Variants in INPP4B observed in about 807,000 individuals in gnomAD.
INPP4B encodes the protein inositol polyphosphate-4-phosphatase type II B.
In INPP4B, 55 loss-of-function variants were observed where a neutral mutation model predicts 122.5. That is an observed-to-expected ratio of 0.45 (90% CI 0.36 to 0.56). The LOEUF is 0.56. Among genes scored for constraint, INPP4B ranks in the 20% least tolerant of loss-of-function variants. The pLI is 0.00. For synonymous variants in INPP4B, 403 were observed against 388.7 expected (o/e 1.04, Z -0.43); for missense variants, 1,000 against 1,097.7 (o/e 0.91, Z 1.26).
intron 1 of INPP4B, among the ~76,000 whole-genome samples, chr4:142,839,160 T>C (rs969123714): frequency 1.3e-5 from 2 of 152,188 alleles, no homozygotes; most frequent in African/African-American, 4.8e-5. Context: ...CTGCCGCTTA[T>C]AAAAGTAAAA....
At chr4:142,450,469 C>T (rs1415459659) in intron 3 of INPP4B, among the ~76,000 whole-genome samples, 1 of 152,144 alleles carries the variant, frequency 6.6e-6, no homozygotes, top group Non-Finnish European at 1.5e-5. Context: ...CTATAAAATA[C>T]CATTGACTAG....
intron 2 of INPP4B, among the ~76,000 whole-genome samples, chr4:142,477,095 C>T (rs1819885981): frequency 6.6e-6 from 1 of 152,166 alleles, no homozygotes; most frequent in Non-Finnish European, 1.5e-5. Context: ...ATACCAAACA[C>T]ACTCTTGTAC....
chr4:142,478,014 G>C (rs935240918), intron 2 of INPP4B, among the ~76,000 whole-genome samples: 2 of 152,254 alleles, frequency 1.3e-5, no homozygotes, highest in East Asian at 3.9e-4. Flanking sequence ...TGTCGCCCCG[G>C]CTGGTCTTGA....
chr4:142,439,854 T>G, intron 3 of INPP4B, among the ~76,000 whole-genome samples: 1 of 152,286 alleles, frequency 6.6e-6, no homozygotes, highest in Non-Finnish European at 1.5e-5. Flanking sequence ...CTAATTGACA[T>G]ACCTTCAAAT....
At chr4:142,643,557 G>C (rs562269133) in intron 2 of INPP4B, among the ~76,000 whole-genome samples, 11 of 152,154 alleles carry the variant, frequency 7.2e-5, no homozygotes, top group South Asian at 2.1e-4. Context: ...TGAGGAGAAA[G>C]CTTTTTGTTT....
At chr4:142,666,769 T>G (rs555928225) in intron 2 of INPP4B, among the ~76,000 whole-genome samples, 1 of 152,306 alleles carries the variant, frequency 6.6e-6, no homozygotes, top group Admixed American at 6.5e-5. Flanking sequence ...AAATGCAATC[T>G]ATCAACCTTT....
At chr4:142,649,513 T>C (rs1295025426) in intron 2 of INPP4B, among the ~76,000 whole-genome samples, 1 of 152,134 alleles carries the variant, frequency 6.6e-6, no homozygotes, top group Non-Finnish European at 1.5e-5. Flanking sequence ...ATAAACAGTG[T>C]AGAGAAGACC....
At chr4:142,607,737 T>C (rs911074590) in intron 2 of INPP4B, among the ~76,000 whole-genome samples, 10 of 152,152 alleles carry the variant, frequency 6.6e-5, no homozygotes, top group South Asian at 2.1e-4. Context: ...AGAGAAGATA[T>C]ACAAATTAAG....
At chr4:142,174,083 C>T (rs888619371) in intron 15 of INPP4B, among the ~76,000 whole-genome samples, 1 of 152,006 alleles carries the variant, frequency 6.6e-6, no homozygotes, top group African/African-American at 2.4e-5. Context: ...TGTAATGGCT[C>T]ATGCATGCAC....
chr4:142,741,219 G>T (rs1767849717), intron 1 of INPP4B, among the ~76,000 whole-genome samples: 1 of 151,368 alleles, frequency 6.6e-6, no homozygotes, highest in Admixed American at 6.6e-5. Context: ...TTACAGTTCT[G>T]CAGGCTATAC....
At chr4:142,808,237 T>C (rs1440791549) in intron 1 of INPP4B, among the ~76,000 whole-genome samples, 1 of 152,168 alleles carries the variant, frequency 6.6e-6, no homozygotes, top group East Asian at 1.9e-4. Flanking sequence ...ATGTTGAAAA[T>C]AATTACCAAA....
intron 1 of INPP4B, among the ~76,000 whole-genome samples, chr4:142,818,181 T>C (rs773264968): frequency 1.3e-5 from 2 of 152,164 alleles, no homozygotes; most frequent in Non-Finnish European, 2.9e-5. Context: ...GAACCTGAAC[T>C]ATGTGCAGCT....
intron 2 of INPP4B, among the ~76,000 whole-genome samples, chr4:142,604,573 C>T (rs1422875854): frequency 1.3e-5 from 2 of 151,968 alleles, no homozygotes; most frequent in Non-Finnish European, 2.9e-5. Flanking sequence ...TGTTTCTATA[C>T]ACCAATACTG....
At chr4:142,757,744 C>T (rs962927038) in intron 1 of INPP4B, among the ~76,000 whole-genome samples, 1 of 152,146 alleles carries the variant, frequency 6.6e-6, no homozygotes, top group Admixed American at 6.6e-5. Context: ...CATCCACGTG[C>T]AGGGTTTTCA....
At chr4:142,427,367 A>G in intron 5 of INPP4B, 1 of 456,196 alleles carries the variant, frequency 2.2e-6, no homozygotes, top group Non-Finnish European at 3.8e-6. Flanking sequence ...GTTGTTTCTT[A>G]GTATATTTTA....
At chr4:142,294,041 G>T (rs1757523744) in intron 9 of INPP4B, among the ~76,000 whole-genome samples, 1 of 152,188 alleles carries the variant, frequency 6.6e-6, no homozygotes, top group African/African-American at 2.4e-5. Flanking sequence ...AGACTCAGAA[G>T]GGTAGGAGGA....
chr4:142,758,928 G>C (rs1770894488), intron 1 of INPP4B, among the ~76,000 whole-genome samples: 1 of 147,264 alleles, frequency 6.8e-6, no homozygotes, highest in South Asian at 2.2e-4. Context: ...ACTCCAGCCT[G>C]AGAGACAGAG....
chr4:142,634,855 G>GA (rs772297116), intron 2 of INPP4B, among the ~76,000 whole-genome samples: 12 of 151,680 alleles, frequency 7.9e-5, no homozygotes, highest in African/African-American at 2.7e-4. Flanking sequence ...ATAAGAACTG[G>GA]AAAAAAATGA....
chr4:142,188,518 A>AAAAATATAT (rs1834267141), intron 15 of INPP4B, among the ~76,000 whole-genome samples: 4 of 105,096 alleles, frequency 3.8e-5, no homozygotes, highest in South Asian at 3.2e-4. Flanking sequence ...AAAGAAAAAA[A>AAAAATATAT]ATATATATAG....
Sources: allele counts gnomAD v4.1 joint callset (sites outside exome capture counted in the v4.1 genomes callset), GRCh38; gene constraint gnomAD v4.1.1; transcripts MANE v1.5; gene names NCBI Gene and HGNC (gene_info 2026-07-23, HGNC 2026-07-21).